Variants in OR2L13 observed in about 807,000 individuals in gnomAD.
The protein encoded by OR2L13 is olfactory receptor family 2 subfamily L member 13.
Under a neutral mutation model 15.3 loss-of-function variants are expected in OR2L13, and 14 were observed. The observed-to-expected ratio is 0.91, with a 90% CI of 0.60 to 1.43. The LOEUF (loss-of-function observed/expected upper bound fraction) is 1.43. OR2L13 is among the 40% of genes most tolerant of loss of function. OR2L13 has a pLI of 0.00. For missense variants in OR2L13, 367 were observed against 387.9 expected, an observed-to-expected ratio of 0.95 and a Z score of 0.45; for synonymous variants, 152 against 142.9, an observed-to-expected ratio of 1.06 and a Z score of -0.45.
the OR2L13 span, among the ~76,000 whole-genome samples, chr1:248,059,306 T>C: frequency 6.6e-4 from 101 of 152,362 alleles, no homozygotes; most frequent in African/African-American, 2.3e-3. Flanking sequence ...ATGTCTTCTA[T>C]CTGGAGTAGA....
chr1:248,070,702 G>A, the OR2L13 span, among the ~76,000 whole-genome samples: 2 of 151,784 alleles, frequency 1.3e-5, no homozygotes, highest in Non-Finnish European at 2.9e-5. Context: ...TTTTTTGAAA[G>A]GATCAACAAA....
At chr1:248,007,707 C>T in the OR2L13 span, among the ~76,000 whole-genome samples, 3 of 152,244 alleles carry the variant, frequency 2.0e-5, no homozygotes, top group South Asian at 2.1e-4. Context: ...ACTTCACAGT[C>T]GTTCTTTAAT....
the OR2L13 span, among the ~76,000 whole-genome samples, chr1:248,016,784 T>G: frequency 6.6e-6 from 1 of 152,012 alleles, no homozygotes; most frequent in African/African-American, 2.4e-5. Flanking sequence ...TATAAACTTA[T>G]GTATGTATGT....
the OR2L13 span, among the ~76,000 whole-genome samples, chr1:248,048,615 G>A: frequency 6.6e-6 from 1 of 152,090 alleles, no homozygotes; most frequent in Non-Finnish European, 1.5e-5. Flanking sequence ...AGGAATTAAG[G>A]TTGACTCATG....
chr1:248,099,418 G>T, exon 3 of OR2L13: 1 of 1,613,256 alleles, frequency 6.2e-7, no homozygotes, highest in South Asian at 1.1e-5. Context: ...CATTTTGTTG[G>T]GTCTGCTTCC....
At chr1:247,974,488 C>T in the OR2L13 span, among the ~76,000 whole-genome samples, 1 of 152,018 alleles carries the variant, frequency 6.6e-6, no homozygotes, top group Non-Finnish European at 1.5e-5. Flanking sequence ...ATAATGTTTA[C>T]TACGGTGTAT....
the OR2L13 span, among the ~76,000 whole-genome samples, chr1:248,042,944 A>G: frequency 6.6e-6 from 1 of 152,238 alleles, no homozygotes; most frequent in East Asian, 1.9e-4. Context: ...TATTTTAAGA[A>G]GATGCAAAGG....
the OR2L13 span, chr1:247,990,324 C>G: frequency 9.6e-6 from 13 of 1,350,538 alleles, no homozygotes; most frequent in Non-Finnish European, 1.4e-5. Flanking sequence ...GTCGCCACCA[C>G]CAAAAATTGG....
exon 3 of OR2L13, chr1:248,100,313 AATC>A (rs1346597761): frequency 6.4e-7 from 1 of 1,562,062 alleles, no homozygotes; most frequent in Admixed American, 1.7e-5. Flanking sequence ...CTGAAAGAAT[AATC>A]ATGGCCATCC....
the OR2L13 span, among the ~76,000 whole-genome samples, chr1:247,984,095 G>A: frequency 7.2e-5 from 11 of 152,232 alleles, no homozygotes; most frequent in South Asian, 8.3e-4. Flanking sequence ...TCAAGGTTCC[G>A]TCTCTAGAAC....
the OR2L13 span, chr1:248,003,237 T>C: frequency 1.9e-6 from 3 of 1,548,590 alleles, no homozygotes; most frequent in Admixed American, 1.7e-5. Flanking sequence ...ATTTTCCTAA[T>C]GGCTCTAATT....
At chr1:247,975,227 C>A in the OR2L13 span, 1 of 408,446 alleles carries the variant, frequency 2.4e-6, no homozygotes, top group South Asian at 2.0e-5. Flanking sequence ...CATATATGCC[C>A]CATATCCCTG....
At chr1:248,003,585 C>T in the OR2L13 span, 12 of 1,612,090 alleles carry the variant, frequency 7.4e-6, no homozygotes, top group South Asian at 1.1e-4. Flanking sequence ...ATCATAGGCT[C>T]GATCAATGCT....
At chr1:247,973,315 A>G in the OR2L13 span, among the ~76,000 whole-genome samples, 1 of 152,126 alleles carries the variant, frequency 6.6e-6, no homozygotes, top group Non-Finnish European at 1.5e-5. Context: ...GGATATTCAA[A>G]TAGGAAGGGA....
chr1:248,003,996 A>C, the OR2L13 span: 2 of 1,614,000 alleles, frequency 1.2e-6, no homozygotes, highest in Non-Finnish European at 1.7e-6. Context: ...CCCATCATCT[A>C]TAGCCTGAGG....
chr1:248,014,245 G>A, the OR2L13 span, among the ~76,000 whole-genome samples: 1 of 152,056 alleles, frequency 6.6e-6, no homozygotes, highest in Non-Finnish European at 1.5e-5. Context: ...AACAACTAGT[G>A]TTGTTTAAAA....
the OR2L13 span, among the ~76,000 whole-genome samples, chr1:247,943,479 T>G: frequency 7.4e-4 from 113 of 152,256 alleles, 2 homozygotes; most frequent in South Asian, 0.019. Context: ...TACACTGAAA[T>G]TGTTGGATCA....
chr1:248,084,347 G>A, the OR2L13 span: 1 of 1,612,912 alleles, frequency 6.2e-7, no homozygotes, highest in Non-Finnish European at 8.5e-7. Context: ...TTCCGGTCAA[G>A]TAGTCAGCCG....
the OR2L13 span, among the ~76,000 whole-genome samples, chr1:247,958,595 C>T: frequency 6.6e-6 from 1 of 152,246 alleles, no homozygotes; most frequent in East Asian, 1.9e-4. Context: ...TTGTAGGTCT[C>T]TACGGACTTG....
Sources: gnomAD v4.1 joint callset for allele counts (sites outside exome capture counted in the v4.1 genomes callset) on GRCh38, gnomAD v4.1.1 for gene constraint, MANE v1.5 for transcripts, NCBI Gene and HGNC (gene_info 2026-07-23, HGNC 2026-07-21) for gene names.